Variants in GDA observed in about 807,000 individuals in gnomAD.
The protein encoded by GDA is guanine deaminase.
In GDA, 18 loss-of-function variants were observed where a neutral mutation model predicts 59.6. The ratio of observed to expected loss-of-function variants is 0.30; its 90% CI spans 0.21 to 0.45. GDA has a LOEUF of 0.45. Ranked by LOEUF, GDA falls within the 20% of genes least tolerant of loss-of-function variation. The probability of loss-of-function intolerance (pLI) is 1.00; values close to 1 mark genes in which losing one functional copy is unlikely to be tolerated. For missense variants in GDA, 427 were observed against 552.3 expected, an observed-to-expected ratio of 0.77 and a Z score of 2.27; for synonymous variants, 201 against 201.1, an observed-to-expected ratio of 1.00 and a Z score of 0.00.
intron 1 of GDA, among the ~76,000 whole-genome samples, chr9:72,191,478 T>A (rs377185538): frequency 3.3e-5 from 5 of 151,880 alleles, no homozygotes; most frequent in South Asian, 4.2e-4. Context: ...AGGCTCTTTT[T>A]TTTTTTTTTT....
chr9:72,176,651 T>C (rs554550260), intron 1 of GDA, among the ~76,000 whole-genome samples: 1 of 152,270 alleles, frequency 6.6e-6, no homozygotes, highest in East Asian at 1.9e-4. Flanking sequence ...TTATATCCAG[T>C]GTTAATTGTT....
At chr9:72,194,021 A>T (rs1026102754) in intron 1 of GDA, 4 of 152,234 alleles carry the variant, frequency 2.6e-5, no homozygotes, top group East Asian at 3.9e-4. Context: ...GGCCTGGGAT[A>T]AACTCTTCAG....
At chr9:72,153,929 A>G (rs1490595948) in intron 1 of GDA, among the ~76,000 whole-genome samples, 1 of 151,098 alleles carries the variant, frequency 6.6e-6, no homozygotes, top group Non-Finnish European at 1.5e-5. Context: ...TAACCTGCAC[A>G]TTGTGCACAT....
intron 1 of GDA, among the ~76,000 whole-genome samples, chr9:72,129,681 G>A (rs1229457638): frequency 6.6e-6 from 1 of 152,146 alleles, no homozygotes; most frequent in Non-Finnish European, 1.5e-5. Context: ...GACCGATGAT[G>A]TTCACTTTGC....
intron 9 of GDA, chr9:72,228,301 C>A: frequency 2.6e-6 from 1 of 383,938 alleles, no homozygotes; most frequent in Non-Finnish European, 4.8e-6. Flanking sequence ...ATAGGGAATA[C>A]AACATAAAAA....
chr9:72,221,937 C>T lies in GDA; in HGVS notation c.607-1183C>T, dbSNP rs534547022. Among the ~76,000 whole-genome samples, 6 of 152,342 alleles carry T rather than the reference C, an allele frequency of 3.9e-5. No individual in the cohort carries two copies. In the South Asian group the frequency reaches 1.2e-3, roughly 32 times the overall value. On this transcript the variant is annotated intron_variant, in intron 6 of 13. Coordinates refer to ENST00000358399, the MANE Select transcript of GDA (RefSeq NM_004293.5). ...AGTATTCCATGGTGTATATGTACCA[C>T]ATTTTCTTTATCCAGTCTATCATTG...
chr9:72,116,039 G>C (rs1313344575), intron 1 of GDA, among the ~76,000 whole-genome samples: 3 of 152,080 alleles, frequency 2.0e-5, no homozygotes, highest in Admixed American at 1.3e-4. Context: ...TTCGAGACCA[G>C]CCTGACCAAC....
intron 1 of GDA, among the ~76,000 whole-genome samples, chr9:72,159,995 T>G (rs913601465): frequency 2.0e-5 from 3 of 152,094 alleles, no homozygotes; most frequent in African/African-American, 2.4e-5. Context: ...CTGACCATGA[T>G]CTAGTTCAAG....
At chr9:72,215,647 G>A (rs536137417) in intron 5 of GDA, among the ~76,000 whole-genome samples, 1 of 152,254 alleles carries the variant, frequency 6.6e-6, no homozygotes, top group South Asian at 2.1e-4. Context: ...TCTACTACCT[G>A]TAATAAAAGC....
intron 1 of GDA, among the ~76,000 whole-genome samples, chr9:72,170,931 C>T (rs1829891440): frequency 6.6e-6 from 1 of 152,090 alleles, no homozygotes; most frequent in African/African-American, 2.4e-5. Flanking sequence ...ATCCTCCCAC[C>T]TCAGCCTCCC....
At chr9:72,192,326 C>T (rs1438639276) in intron 1 of GDA, among the ~76,000 whole-genome samples, 1 of 144,664 alleles carries the variant, frequency 6.9e-6, no homozygotes, top group African/African-American at 2.6e-5. Context: ...TTCTGCCTCC[C>T]GGGTTCAAAC....
intron 2 of GDA, 39 bp from the exon 3 acceptor site, chr9:72,202,532 G>C: frequency 7.6e-7 from 1 of 1,312,800 alleles, no homozygotes; most frequent in African/African-American, 1.5e-5. Context: ...AATGACTGAA[G>C]ATATTATTAA....
At chr9:72,152,588 C>T (rs1249428728) in intron 1 of GDA, among the ~76,000 whole-genome samples, 2 of 152,126 alleles carry the variant, frequency 1.3e-5, no homozygotes, top group Non-Finnish European at 2.9e-5. Context: ...TAAATGTCTT[C>T]TTTTGAGAAG....
chr9:72,126,993 C>T lies in GDA; in HGVS notation c.-100+12160C>T, dbSNP rs1825870605. ...TAGATCAGCTCAGAGAGAGAAGACA[C>T]AGCCATTCCTAGGTTACTTCCCAGA... On this transcript the variant is annotated intron_variant, in intron 1 of 13. Coordinates refer to the GDA transcript ENST00000545168. Among the ~76,000 whole-genome samples the T allele has an allele frequency of 2.6e-5, 4 of 152,020 alleles. No homozygotes were observed. In the South Asian group the frequency reaches 8.3e-4, roughly 32 times the overall value.
chr9:72,129,329 G>A (rs1366827576), intron 1 of GDA, among the ~76,000 whole-genome samples: 2 of 152,148 alleles, frequency 1.3e-5, no homozygotes, highest in Non-Finnish European at 2.9e-5. Context: ...CTCTCCATGA[G>A]TAAACCAGAG....
intron 2 of GDA, among the ~76,000 whole-genome samples, chr9:72,196,908 CA>C (rs1270363486): frequency 6.6e-6 from 1 of 152,122 alleles, no homozygotes; most frequent in African/African-American, 2.4e-5. Flanking sequence ...TATGTCCCTG[CA>C]AAGGACATGA....
At chr9:72,238,442 CT>C (rs1839257374) in intron 10 of GDA, among the ~76,000 whole-genome samples, 1 of 152,122 alleles carries the variant, frequency 6.6e-6, no homozygotes, top group Non-Finnish European at 1.5e-5. Flanking sequence ...TTATATGATT[CT>C]TTTCTTTCTC....
At chr9:72,186,077 A>C (rs548408784) in intron 1 of GDA, among the ~76,000 whole-genome samples, 1 of 152,304 alleles carries the variant, frequency 6.6e-6, no homozygotes, top group East Asian at 1.9e-4. Flanking sequence ...CCAATTGGCC[A>C]TGGTGGGTAC....
chr9:72,224,523 TG>T (rs1286079209), intron 7 of GDA, among the ~76,000 whole-genome samples: 1 of 152,188 alleles, frequency 6.6e-6, no homozygotes, highest in African/African-American at 2.4e-5. Context: ...TTTTTCAGTG[TG>T]GGGGCATAGG....
Sources: gnomAD v4.1 joint callset for allele counts (sites outside exome capture counted in the v4.1 genomes callset) on GRCh38, gnomAD v4.1.1 for gene constraint, MANE v1.5 for transcripts, NCBI Gene and HGNC (gene_info 2026-07-23, HGNC 2026-07-21) for gene names.